Variants in DNMT1 observed in about 807,000 individuals in gnomAD.
The protein encoded by DNMT1 is DNA (cytosine-5)-methyltransferase 1.
A neutral mutation model predicts 205.3 loss-of-function variants in DNMT1; 24 were observed. That is an observed-to-expected ratio of 0.12 (90% CI 0.08 to 0.16). The LOEUF (loss-of-function observed/expected upper bound fraction) is 0.16, where lower values mean the gene tolerates loss of function less well. Among genes scored for constraint, DNMT1 ranks in the 10% least tolerant of loss-of-function variants. The pLI is 1.00. For synonymous variants in DNMT1, 817 were observed against 839.8 expected, an observed-to-expected ratio of 0.97 and a Z score of 0.47; for missense variants, 1,293 against 2,177.7, an observed-to-expected ratio of 0.59 and a Z score of 8.09.
intron 9 of DNMT1, among the ~76,000 whole-genome samples, chr19:10,169,862 T>C (rs1173425359): frequency 6.6e-6 from 1 of 152,222 alleles, no homozygotes; most frequent in East Asian, 1.9e-4. Flanking sequence ...TTGCCCCAGG[T>C]TCCTTCTTTG....
Position 10,162,141 on chromosome 19 carries a change from ATT to A in DNMT1, c.1008+524_1008+525del, listed in dbSNP as rs34352285. Among the ~76,000 whole-genome samples the A allele has an allele frequency of 2.5e-3, 339 of 135,256 alleles. 3 individuals carry two copies. The highest frequency in any genetic ancestry group is 8.7e-3 in the African/African-American group (317 of 36,544). 88.7% of individuals were successfully genotyped at this position (135,256 alleles called of 152,430 possible). A position where few individuals can be genotyped will look rare whatever the true frequency, so the allele number is the denominator to read the frequency against. On this transcript the variant is annotated intron_variant, in intron 13 of 40. Transcript: ENST00000359526. ...ACAGGCGTGAGCCGCTGTGCCCAGC[ATT>A]TTTTTTTTTTTTTGAGACAGAGTCT...
rs781376510 is a variant in DNMT1 at position 10,141,101 on chromosome 19, G to A, written c.3394+4C>T. 8.6e-5 allele frequency: 138 copies of A among 1,613,894 alleles called. No homozygotes were observed. Among genetic ancestry groups the A allele is most frequent in the Middle Eastern group, 1.6e-4 (1 of 6,084 alleles). ...CTTGAAAAGAAACTCATACAATGACGTACCTTTTCCCTTGCCCTTCCCTTT... is the reference window on the plus strand; with the variant it reads ...CTTGAAAAGAAACTCATACAATGACATACCTTTTCCCTTGCCCTTCCCTTT... On this transcript the variant is annotated splice_donor_region_variant and intron_variant, in intron 31 of 40. Transcript: ENST00000359526.
chr19:10,138,217 G>A lies in DNMT1; in HGVS notation c.4116-208C>T, dbSNP rs999843707. On this transcript the variant is annotated intron_variant, in intron 35 of 40. Transcript: ENST00000359526. This position sits in a 1 kb window ranked among gnomAD's most constrained non-coding sequence, Gnocchi z 4.1. ...TTTGTGGATGACCACAGCCAAGCAT[G>A]CGGCTGGCCGCTCTGCACATGCTAT... Among the ~76,000 whole-genome samples, 1 of 152,242 alleles carries A rather than the reference G, an allele frequency of 6.6e-6. No homozygotes were observed. Among genetic ancestry groups the A allele is most frequent in the Admixed American group, 6.5e-5 (1 of 15,294 alleles).
rs904649836 is a variant in DNMT1, at chr19:10,172,769, C to T, written c.768+321G>A. On this transcript the variant is annotated intron_variant, in intron 9 of 40. Transcript: ENST00000359526. ...GGCAGAGGTTGCAACGAGCCGAGATCGCACCTCTGTACTCATTCCAGCCTG... is the reference window on the plus strand; with the variant it reads ...GGCAGAGGTTGCAACGAGCCGAGATTGCACCTCTGTACTCATTCCAGCCTG... 2.6e-4 allele frequency among the ~76,000 whole-genome samples: 39 copies of T among 151,664 alleles called. 1 individual carries two copies. The highest frequency in any genetic ancestry group is 2.4e-3 in the Admixed American group (37 of 15,190).
intron 26 of DNMT1, 65 bp downstream of exon 26, chr19:10,149,386 CAG>C (rs2038286198): frequency 6.1e-6 from 9 of 1,472,774 alleles, no homozygotes; most frequent in Admixed American, 3.4e-5. Context: ...CAAAACAAAA[CAG>C]AACGCACGTC....
rs1405724116 is a variant in DNMT1, at chr19:10,138,402, C to G, written c.4115+37G>C. 9.9e-6 allele frequency: 16 copies of G among 1,613,358 alleles called. No individual in the cohort carries two copies. The highest frequency in any genetic ancestry group is 3.3e-5 in the Admixed American group (2 of 59,998). On this transcript the variant is annotated intron_variant, in intron 35 of 40. Coordinates refer to ENST00000359526, the MANE Select transcript of DNMT1 (RefSeq NM_001130823.3). The surrounding 1 kb of genome is among the most constrained non-coding windows in gnomAD (Gnocchi z 4.1). ...GGGCCCCATGAGCTACTGAGGCCTGCTCGGCAGTGTGTGGAGGAGCGACGG... is the reference window on the plus strand; with the variant it reads ...GGGCCCCATGAGCTACTGAGGCCTGGTCGGCAGTGTGTGGAGGAGCGACGG...
At chr19:10,185,642 C>T (rs2039163629) in intron 1 of DNMT1, among the ~76,000 whole-genome samples, 1 of 151,834 alleles carries the variant, frequency 6.6e-6, no homozygotes, top group African/African-American at 2.4e-5. Flanking sequence ...GCCTGGGCTA[C>T]ACTGAGAGAT....
At chr19:10,163,075 C>A in intron 12 of DNMT1, 1 of 573,038 alleles carries the variant, frequency 1.7e-6, no homozygotes, top group Non-Finnish European at 3.1e-6. Flanking sequence ...AGCAGTTCTG[C>A]CTCAGCCTTC....
chr19:10,134,926 TC>T (rs1226118246), intron 39 of DNMT1, among the ~76,000 whole-genome samples: 1 of 144,218 alleles, frequency 6.9e-6, no homozygotes, highest in African/African-American at 2.6e-5. Flanking sequence ...AGTGGCTGCT[TC>T]CCTGGCCGGC....
chr19:10,169,732 C>T (rs752762075), intron 9 of DNMT1, among the ~76,000 whole-genome samples: 26 of 152,084 alleles, frequency 1.7e-4, no homozygotes, highest in Non-Finnish European at 2.8e-4. Flanking sequence ...CACCACTGCA[C>T]TCCAGCCTGG....
chr19:10,147,424 A>C (rs1369632092), intron 27 of DNMT1, among the ~76,000 whole-genome samples: 2 of 152,136 alleles, frequency 1.3e-5, no homozygotes, highest in African/African-American at 2.4e-5. Flanking sequence ...CAGCCTGGCC[A>C]ACACGGTGAA....
At chr19:10,181,234 C>T (rs1050420106) in intron 2 of DNMT1, among the ~76,000 whole-genome samples, 7 of 151,454 alleles carry the variant, frequency 4.6e-5, no homozygotes, top group African/African-American at 1.7e-4. Context: ...TTGCTTTGAG[C>T]CCCAGAGTTC....
Position 10,160,415 on chromosome 19 carries a change from C to T in DNMT1, c.1012G>A (p.Glu338Lys). Residue 338 changes from glutamate to lysine, a missense_variant, in exon 14 of 41, where the codon GAG (glutamate) becomes AAG (lysine). Transcript: ENST00000359526. ...SDEKDEDEKE[E>K]KRRKTTPKEP... ...TTGGGGGTCGTTTTGCGTCTCTTCT[C>T]CTCCTACACAGGGAAAACAAAAGAG... 6.2e-7 allele frequency: 1 copy of T among 1,613,960 alleles called. No homozygotes were observed. The highest frequency in any genetic ancestry group is 1.1e-5 in the South Asian group (1 of 91,070).
chr19:10,180,297 G>C, intron 4 of DNMT1, 53 bp downstream of exon 4: 1 of 1,589,548 alleles, frequency 6.3e-7, no homozygotes, highest in South Asian at 1.1e-5. Context: ...GGGCAACACA[G>C]TGAGACTCCA....
intron 9 of DNMT1, among the ~76,000 whole-genome samples, chr19:10,171,150 C>T (rs534326468): frequency 6.6e-6 from 1 of 152,054 alleles, no homozygotes; most frequent in East Asian, 1.9e-4. Context: ...GAAAAAAAAA[C>T]AGGACCCAGC....
Position 10,194,946 on chromosome 19 carries a change from CT to C in DNMT1, c.-48del. ...GGCGGCGGCAGCGCAGGCGCCCCGG[CT>C]TTTCGCGCGGAAACCGATGGGGAGG... On this transcript the variant is annotated 5_prime_UTR_variant, in exon 1 of 41. Coordinates refer to ENST00000359526, the MANE Select transcript of DNMT1 (RefSeq NM_001130823.3). The C allele has an allele frequency of 1.3e-6, 2 of 1,569,850 alleles. No homozygotes were observed. The highest frequency in any genetic ancestry group is 1.4e-5 in the African/African-American group (1 of 73,276).
intron 27 of DNMT1, among the ~76,000 whole-genome samples, chr19:10,148,412 C>T (rs2038252742): frequency 6.7e-6 from 1 of 149,444 alleles, no homozygotes; most frequent in Non-Finnish European, 1.5e-5. Context: ...AGGAGAATGG[C>T]ATGAACCCAG....
chr19:10,183,641 C>A (rs2039123887), intron 1 of DNMT1, among the ~76,000 whole-genome samples: 1 of 151,542 alleles, frequency 6.6e-6, no homozygotes, highest in South Asian at 2.1e-4. Context: ...TACCTGAGGG[C>A]CAAGGTGGGT....
rs759521130 is a variant in DNMT1, at chr19:10,151,764, A to G, written c.2103T>C (p.Ala701=). Residue 701 remains alanine, a synonymous_variant, in exon 23 of 41, where the codon GCT becomes GCC. Coordinates refer to ENST00000359526, the MANE Select transcript of DNMT1 (RefSeq NM_001130823.3). The surrounding 1 kb of genome is among the most constrained non-coding windows in gnomAD (Gnocchi z 5.0). ...GCCTGACCTACCTCCGCTCTTGGCA[A>G]GCCTGCTTGCTCCGTCCACTGCCAC... The part of the protein sequence containing the change: ...KFGGSGRSKQ[A]CQERRCPNMA... 15 of 1,614,190 alleles carry G rather than the reference A, an allele frequency of 9.3e-6. No homozygotes were observed. Among genetic ancestry groups the G allele is most frequent in the South Asian group, 8.8e-5 (8 of 91,086 alleles).
Sources: gnomAD v4.1 joint callset for allele counts (sites outside exome capture counted in the v4.1 genomes callset) on GRCh38, gnomAD v4.1.1 for gene constraint, Gnocchi (gnomAD v3.1) non-coding constraint, MANE v1.5 for transcripts, NCBI Gene and HGNC (gene_info 2026-07-23, HGNC 2026-07-21) for gene names.